Variants in TLK2 observed in about 807,000 individuals in gnomAD.
The protein encoded by TLK2 is serine/threonine-protein kinase tousled-like 2.
In TLK2, 6 loss-of-function variants were observed where a neutral mutation model predicts 117.3. The observed-to-expected ratio is 0.05, with a 90% CI of 0.03 to 0.10. TLK2 has a LOEUF of 0.10. Ranked by LOEUF, TLK2 falls within the 10% of genes least tolerant of loss-of-function variation. The pLI is 1.00. For synonymous variants in TLK2, 257 were observed against 316.7 expected (o/e 0.81, Z 2.00); for missense variants, 299 against 901.2 (o/e 0.33, Z 8.56).
chr17:62,539,776 T>G (rs1293259562), intron 7 of TLK2, among the ~76,000 whole-genome samples: 1 of 152,134 alleles, frequency 6.6e-6, no homozygotes, highest in Non-Finnish European at 1.5e-5. Context: ...GTTCTGGGAT[T>G]ACAGACGGGA....
chr17:62,539,789 C>T (rs2077377082), intron 7 of TLK2, among the ~76,000 whole-genome samples: 1 of 152,172 alleles, frequency 6.6e-6, no homozygotes, highest in African/African-American at 2.4e-5. Flanking sequence ...AGACGGGAGC[C>T]ACCACACCCA....
intron 9 of TLK2, among the ~76,000 whole-genome samples, chr17:62,559,592 G>T (rs2079110215): frequency 6.6e-6 from 1 of 151,914 alleles, no homozygotes; most frequent in African/African-American, 2.4e-5. Context: ...AGGCCAGGCT[G>T]GTCTTGAACT....
chr17:62,576,821 T>C (rs926424741), intron 13 of TLK2, 46 bp downstream of exon 13: 1 of 1,492,630 alleles, frequency 6.7e-7, no homozygotes. Flanking sequence ...GATACCTAGT[T>C]TAAATTTGGG....
At chr17:62,472,984 C>T (rs1475196000) in intron 1 of TLK2, among the ~76,000 whole-genome samples, 1 of 152,178 alleles carries the variant, frequency 6.6e-6, no homozygotes, top group Non-Finnish European at 1.5e-5. Context: ...CACCACACCA[C>T]AAATTGTCCA....
At chr17:62,512,442 C>T (rs1184883635) in intron 2 of TLK2, among the ~76,000 whole-genome samples, 1 of 151,916 alleles carries the variant, frequency 6.6e-6, no homozygotes, top group Non-Finnish European at 1.5e-5. Flanking sequence ...AGGCTGGTCT[C>T]GAACTCCTGA....
intron 10 of TLK2, 148 bp from the exon 11 acceptor site, chr17:62,564,853 C>A: frequency 1.1e-6 from 1 of 922,936 alleles, no homozygotes; most frequent in Non-Finnish European, 1.5e-6. Flanking sequence ...AATAGTTAGT[C>A]ATCCGAGGAG....
At chr17:62,523,237 A>AT (rs1050036176) in intron 5 of TLK2, 60 bp downstream of exon 5, 37 of 1,566,114 alleles carry the variant, frequency 2.4e-5, no homozygotes, top group Middle Eastern at 1.7e-4. Context: ...CTCTATAGTG[A>AT]TTTTTTTTAA....
chr17:62,497,115 A>G (rs890762118), intron 2 of TLK2, among the ~76,000 whole-genome samples: 3 of 151,810 alleles, frequency 2.0e-5, no homozygotes, highest in Non-Finnish European at 4.4e-5. Context: ...ATAATTAGCC[A>G]GGCATGGTGG....
At chr17:62,542,901 ATAGT>A (rs1258496577) in intron 7 of TLK2, among the ~76,000 whole-genome samples, 3 of 152,218 alleles carry the variant, frequency 2.0e-5, no homozygotes, top group African/African-American at 4.8e-5. Flanking sequence ...CTATCTCTAA[ATAGT>A]TAAATAGGCA....
intron 16 of TLK2, among the ~76,000 whole-genome samples, chr17:62,590,020 G>C (rs1199386552): frequency 6.6e-6 from 1 of 150,744 alleles, no homozygotes; most frequent in Middle Eastern, 3.4e-3. Context: ...TGTTAGCCAG[G>C]ATGGTCTCGA....
At chr17:62,525,860 C>T (rs1401903832) in intron 6 of TLK2, among the ~76,000 whole-genome samples, 1 of 152,146 alleles carries the variant, frequency 6.6e-6, no homozygotes, top group African/African-American at 2.4e-5. Flanking sequence ...CTCTGTTTTT[C>T]TTAAGTTTCA....
chr17:62,557,050 G>C (rs918039098), intron 9 of TLK2, among the ~76,000 whole-genome samples: 1 of 152,160 alleles, frequency 6.6e-6, no homozygotes, highest in African/African-American at 2.4e-5. Context: ...TCAGCCTCCT[G>C]AATAGCTGGG....
At chr17:62,586,802 T>TGGTGCG (rs1049175083) in intron 16 of TLK2, among the ~76,000 whole-genome samples, 3 of 149,718 alleles carry the variant, frequency 2.0e-5, no homozygotes, top group Non-Finnish European at 4.4e-5. Context: ...GCCTGGGTGA[T>TGGTGCG]GGTGCGAGTG....
chr17:62,509,872 C>T (rs1398264520), intron 2 of TLK2, among the ~76,000 whole-genome samples: 2 of 152,192 alleles, frequency 1.3e-5, no homozygotes, highest in Non-Finnish European at 2.9e-5. Context: ...GTGTTGAAGG[C>T]ACCATCTTGG....
chr17:62,592,040 C>T (rs113140585), intron 16 of TLK2, among the ~76,000 whole-genome samples: 8 of 151,840 alleles, frequency 5.3e-5, no homozygotes, highest in African/African-American at 1.5e-4. Flanking sequence ...CCACAGCGTC[C>T]GCCTCCTGGG....
At chr17:62,519,693 A>C (rs2075896826) in intron 2 of TLK2, among the ~76,000 whole-genome samples, 1 of 152,048 alleles carries the variant, frequency 6.6e-6, no homozygotes, top group Non-Finnish European at 1.5e-5. Context: ...TCTTGATGCT[A>C]CTGTGTATGG....
chr17:62,586,098 TAAC>T (rs2081588373), intron 15 of TLK2, 34 bp from the exon 16 acceptor site: 1 of 1,515,562 alleles, frequency 6.6e-7, no homozygotes, highest in African/African-American at 1.4e-5. Flanking sequence ...TAATTTTTCT[TAAC>T]ATTTACCCAG....
At chr17:62,558,317 C>CA (rs2079015064) in intron 9 of TLK2, among the ~76,000 whole-genome samples, 1 of 152,118 alleles carries the variant, frequency 6.6e-6, no homozygotes, top group South Asian at 2.1e-4. Context: ...CGCATGCCAC[C>CA]ACACATGGCT....
At chr17:62,566,965 T>TG (rs2079844546) in intron 11 of TLK2, among the ~76,000 whole-genome samples, 1 of 152,192 alleles carries the variant, frequency 6.6e-6, no homozygotes, top group Admixed American at 6.5e-5. Context: ...CAGTGGCTCT[T>TG]GCCTGTAATC....
Sources: allele counts gnomAD v4.1 joint callset (sites outside exome capture counted in the v4.1 genomes callset), GRCh38; gene constraint gnomAD v4.1.1; transcripts MANE v1.5; gene names NCBI Gene and HGNC (gene_info 2026-07-23, HGNC 2026-07-21).